The following INPP4B variants were observed in gnomAD, a reference collection of about 807,000 sequenced individuals.
INPP4B encodes inositol polyphosphate-4-phosphatase type II B.
Under a neutral mutation model 122.5 loss-of-function variants are expected in INPP4B, and 55 were observed. The ratio of observed to expected loss-of-function variants is 0.45; its 90% confidence interval spans 0.36 to 0.56. The LOEUF (loss-of-function observed/expected upper bound fraction) is 0.56. INPP4B is among the 20% of genes least tolerant of loss of function. The pLI, the probability that INPP4B is intolerant of heterozygous loss-of-function variation, is 0.00. For missense variants in INPP4B, 1,000 were observed against 1,097.7 expected, an observed-to-expected ratio of 0.91 and a Z score of 1.26; for synonymous variants, 403 against 388.7, an observed-to-expected ratio of 1.04 and a Z score of -0.43.
At chr4:142,510,998 A>C (rs1321392245) in intron 2 of INPP4B, among the ~76,000 whole-genome samples, 1 of 152,148 alleles carries the variant, frequency 6.6e-6, no homozygotes, top group Admixed American at 6.5e-5. Flanking sequence ...ATGTGACTTA[A>C]GTTTCTGAAT....
At chr4:142,432,574 C>T (rs1462504625) in intron 3 of INPP4B, among the ~76,000 whole-genome samples, 1 of 152,084 alleles carries the variant, frequency 6.6e-6, no homozygotes, top group African/African-American at 2.4e-5. Flanking sequence ...AAAGCTTGAA[C>T]AGCGATCATG....
chr4:142,147,762 C>A (rs1451953022), intron 17 of INPP4B, among the ~76,000 whole-genome samples: 1 of 152,152 alleles, frequency 6.6e-6, no homozygotes, highest in Admixed American at 6.5e-5. Context: ...CCCCTAAAGT[C>A]AGATCTTTCC....
At chr4:142,836,985 G>C (rs1449521253) in intron 1 of INPP4B, among the ~76,000 whole-genome samples, 1 of 151,720 alleles carries the variant, frequency 6.6e-6, no homozygotes, top group South Asian at 2.1e-4. Context: ...CACCAACATG[G>C]TGAAACCCTG....
intron 25 of INPP4B, chr4:142,030,243 T>C (rs756071533): frequency 1.8e-4 from 279 of 1,535,544 alleles, no homozygotes; most frequent in Non-Finnish European, 2.2e-4. Context: ...TGGCTTGTTA[T>C]CAGTTAGACA....
intron 2 of INPP4B, among the ~76,000 whole-genome samples, chr4:142,718,177 A>C (rs1202530342): frequency 6.6e-6 from 1 of 152,196 alleles, no homozygotes; most frequent in Non-Finnish European, 1.5e-5. Flanking sequence ...TGAATGTCAG[A>C]TTGAGGTGTT....
chr4:142,801,230 A>G (rs961738148), intron 1 of INPP4B, among the ~76,000 whole-genome samples: 1 of 152,208 alleles, frequency 6.6e-6, no homozygotes, highest in Non-Finnish European at 1.5e-5. Context: ...CAAAGTTCAG[A>G]CAGTAGAACA....
At chr4:142,145,428 C>T (rs2152841560) in intron 18 of INPP4B, among the ~76,000 whole-genome samples, 1 of 152,220 alleles carries the variant, frequency 6.6e-6, no homozygotes, top group Admixed American at 6.5e-5. Flanking sequence ...AAAAATCATC[C>T]TATCTGATTA....
rs780894601 is a variant in INPP4B at position 142,740,768 on chromosome 4, AT to A, written c.-253-14868del. ...CTGGCTTGGAGTAGCAAAAAAAGGAATTCTTCTAAAAATGCATAATCCACAA... is the reference window on the plus strand; with the variant it reads ...CTGGCTTGGAGTAGCAAAAAAAGGAATCTTCTAAAAATGCATAATCCACAA... On this transcript the variant is annotated intron_variant, in intron 1 of 25. Coordinates refer to ENST00000262992, the MANE Select transcript of INPP4B (RefSeq NM_001101669.3). Among the ~76,000 whole-genome samples the A allele has an allele frequency of 3.4e-4, 52 of 152,142 alleles. No homozygotes were observed. In the East Asian group the frequency reaches 7.9e-3, roughly 23 times the overall value.
At chr4:142,704,523 AACTTACACATTC>A (rs1458324380) in intron 2 of INPP4B, among the ~76,000 whole-genome samples, 1 of 152,116 alleles carries the variant, frequency 6.6e-6, no homozygotes, top group African/African-American at 2.4e-5. Context: ...CTTGCCACAA[AACTTACACATTC>A]ACAGGCTTCT....
At chr4:142,821,900 G>A (rs1044062231) in intron 1 of INPP4B, among the ~76,000 whole-genome samples, 4 of 152,252 alleles carry the variant, frequency 2.6e-5, no homozygotes, top group Non-Finnish European at 5.9e-5. Flanking sequence ...ATTATCTAAT[G>A]ATCGGCTAAA....
chr4:142,551,119 G>A (rs965603472), intron 2 of INPP4B, among the ~76,000 whole-genome samples: 4 of 152,202 alleles, frequency 2.6e-5, no homozygotes, highest in African/African-American at 9.6e-5. Flanking sequence ...GTGGTTTTAT[G>A]AAGTGGCCAT....
chr4:142,046,402 C>T (rs1751455057), intron 25 of INPP4B, among the ~76,000 whole-genome samples: 1 of 152,040 alleles, frequency 6.6e-6, no homozygotes, highest in Admixed American at 6.6e-5. Flanking sequence ...ATTAGCTTGG[C>T]CTTGGGGATT....
chr4:142,276,677 T>A (rs529371879), intron 9 of INPP4B, among the ~76,000 whole-genome samples: 1 of 152,020 alleles, frequency 6.6e-6, no homozygotes, highest in South Asian at 2.1e-4. Context: ...AAATGAGTAG[T>A]ATCATTTATA....
intron 18 of INPP4B, among the ~76,000 whole-genome samples, chr4:142,130,848 C>A (rs1382119944): frequency 1.3e-5 from 2 of 152,154 alleles, no homozygotes; most frequent in Non-Finnish European, 2.9e-5. Flanking sequence ...GTCCAGGGAA[C>A]CTTGTTTGTT....
At chr4:142,589,678 G>C (rs4579200) in intron 2 of INPP4B, among the ~76,000 whole-genome samples, 2,148 of 152,182 alleles carry the variant, frequency 0.014, 41 homozygotes, top group African/African-American at 0.041. Flanking sequence ...CTGTTGGTGA[G>C]AATACAAAAT....
At chr4:142,151,467 A>T (rs1296614368) in intron 17 of INPP4B, among the ~76,000 whole-genome samples, 1 of 152,152 alleles carries the variant, frequency 6.6e-6, no homozygotes, top group Non-Finnish European at 1.5e-5. Flanking sequence ...AACTACACTC[A>T]GTTTAAAATT....
At chr4:142,229,187 A>C (rs909936814) in intron 12 of INPP4B, among the ~76,000 whole-genome samples, 7 of 151,822 alleles carry the variant, frequency 4.6e-5, no homozygotes, top group Admixed American at 4.6e-4. Context: ...TATAAATTTA[A>C]GCAACAATTT....
chr4:142,495,777 C>T (rs1213655575), intron 2 of INPP4B, among the ~76,000 whole-genome samples: 1 of 152,162 alleles, frequency 6.6e-6, no homozygotes, highest in Non-Finnish European at 1.5e-5. Context: ...TTCAAAACCT[C>T]AGAATGTATT....
chr4:142,339,261 C>G (rs562368974), intron 7 of INPP4B, among the ~76,000 whole-genome samples: 4 of 152,108 alleles, frequency 2.6e-5, no homozygotes, highest in African/African-American at 7.2e-5. Flanking sequence ...TTGCAAGTGC[C>G]GTCTGTTTGC....
Sources: gnomAD v4.1 joint callset for allele counts (sites outside exome capture counted in the v4.1 genomes callset) on GRCh38, gnomAD v4.1.1 for gene constraint, MANE v1.5 for transcripts, NCBI Gene and HGNC (gene_info 2026-07-23, HGNC 2026-07-21) for gene names.